The following ALG12 variants were observed in gnomAD, a reference collection of about 807,000 sequenced individuals.
The protein encoded by ALG12 is ALG12 alpha-1,6-mannosyltransferase.
In ALG12, 36 loss-of-function variants were observed where a neutral mutation model predicts 46.0. That is an observed-to-expected ratio of 0.78 (90% CI 0.60 to 1.03). The LOEUF is 1.03. ALG12 is among the 50% of genes least tolerant of loss of function. ALG12 has a pLI of 0.00. For synonymous variants in ALG12, 326 were observed against 291.6 expected, an observed-to-expected ratio of 1.12 and a Z score of -1.20; for missense variants, 599 against 633.5, an observed-to-expected ratio of 0.95 and a Z score of 0.58.
chr22:49,910,666 C>G, intron 3 of ALG12, 59 bp from the exon 4 acceptor site: 1 of 1,595,544 alleles, frequency 6.3e-7, no homozygotes, highest in Non-Finnish European at 8.6e-7. Flanking sequence ...AGTGGGGCCC[C>G]CTACGTGGGT....
the ALG12 span, among the ~76,000 whole-genome samples, chr22:49,875,198 T>G: frequency 6.6e-6 from 1 of 152,136 alleles, no homozygotes. Context: ...GGGAGGTGTT[T>G]CTTCCTTTAT....
the ALG12 span, among the ~76,000 whole-genome samples, chr22:49,871,722 G>A: frequency 6.6e-6 from 1 of 151,020 alleles, no homozygotes; most frequent in Non-Finnish European, 1.5e-5. Flanking sequence ...GATTGCTGAA[G>A]GGTGGGGTGG....
In ALG12 at chr22:49,910,046, CG is replaced by C; in HGVS notation, c.511del (p.Arg171AlafsTer36). 6.2e-7 allele frequency: 1 copy of C among 1,612,730 alleles called. No individual in the cohort carries two copies. Among genetic ancestry groups the C allele is most frequent in the Non-Finnish European group, 8.5e-7 (1 of 1,179,688 alleles). ...LAAWLRHEWA[R>X]FIWLSAFAII... Reference sequence around the variant, plus strand: ...GGCGAAGGCTGACAGCCAGATGAAGCGGGCCCACTCGTGCCGCAGCCAGGCC... The same window carrying C: ...GGCGAAGGCTGACAGCCAGATGAAGCGGCCCACTCGTGCCGCAGCCAGGCC... On this transcript the variant is annotated frameshift_variant, in exon 5 of 10. Transcript: ENST00000330817. LOFTEE classifies it high-confidence loss of function.
chr22:49,877,585 G>A, the ALG12 span, among the ~76,000 whole-genome samples: 6 of 151,952 alleles, frequency 3.9e-5, no homozygotes, highest in Admixed American at 6.6e-5. Context: ...GAGCCACCAC[G>A]CCTGGCCTAA....
At position 49,902,645 on chromosome 22, in the gene ALG12, G is replaced by A. The variant is rs1489141402; in HGVS notation, c.*1193C>T. ...TGTATGCATGGTAATGTGCACGTGT[G>A]CACTGTGTGGTGTGTATGCATGGTG... On this transcript the variant is annotated 3_prime_UTR_variant, in exon 10 of 10. Transcript: ENST00000330817. 4 of 154,400 alleles carry A rather than the reference G, an allele frequency of 2.6e-5. No individual in the cohort carries two copies. The highest frequency in any genetic ancestry group is 4.1e-4 in the East Asian group (2 of 4,930). The allele number at this position is 154,400 out of a possible 1,614,324, so 9.6% of individuals were successfully genotyped here. A position where few individuals can be genotyped will look rare whatever the true frequency, so the allele number is the denominator to read the frequency against.
In ALG12 at chr22:49,913,634, G is replaced by A. The variant is rs140846449; in HGVS notation, c.132C>T (p.Asp44=). ...EESFNLQATH[D]LLYHWQDLEQ... is the part of the protein sequence containing the mutation. ...CCAGGTCTTGCCAGTGGTAGAGCAG[G>A]TCATGTGTGGCCTGCAGGTTGAAGC... Residue 44 remains aspartate (D), a synonymous_variant, in exon 2 of 10, where the codon GAC becomes GAT. Coordinates refer to ENST00000330817, the MANE Select transcript of ALG12 (RefSeq NM_024105.4). 30 of 1,614,154 alleles carry A rather than the reference G, an allele frequency of 1.9e-5. No homozygotes were observed. The African/African-American group carries it at 2.5e-4, about 14-fold the overall frequency.
chr22:49,909,136 C>G lies in ALG12; in HGVS notation c.768+108G>C. 3.3e-6 allele frequency: 4 copies of G among 1,207,262 alleles called. No individual in the cohort carries two copies. The South Asian group carries it at 4.9e-5, about 15-fold the overall frequency. 74.8% of individuals were successfully genotyped at this position (1,207,262 alleles called of 1,614,324 possible). A position where few individuals can be genotyped will look rare whatever the true frequency, so the allele number is the denominator to read the frequency against. On this transcript the variant is annotated intron_variant, in intron 6 of 9. Transcript: ENST00000330817. ...GAGGGGCTCCATCCTGACCCTGCAG[C>G]CACGCTGCAGAGAAGGGAGAAGCAG...
At chr22:49,864,820 C>CAAAAAA in the ALG12 span, among the ~76,000 whole-genome samples, 67 of 66,902 alleles carry the variant, frequency 1.0e-3, 1 homozygote, top group African/African-American at 2.9e-3. Flanking sequence ...ACCCTGTCTC[C>CAAAAAA]AAAAAAAAAA....
intron 7 of ALG12, among the ~76,000 whole-genome samples, chr22:49,904,794 C>T (rs1405288259): frequency 6.6e-6 from 1 of 152,140 alleles, no homozygotes; most frequent in Non-Finnish European, 1.5e-5. Flanking sequence ...GGCTGGAGTG[C>T]AGTGCCATGA....
At chr22:49,886,806 G>C in the ALG12 span, 1 of 1,613,384 alleles carries the variant, frequency 6.2e-7, no homozygotes. The surrounding 1 kb of genome is among the most constrained non-coding windows in gnomAD (Gnocchi z 7.7). Flanking sequence ...CCTCCCACAG[G>C]TGTGATGCTG....
At chr22:49,895,754 T>C (rs1002110885), downstream of ALG12, among the ~76,000 whole-genome samples, 2 of 152,360 alleles carry the variant, frequency 1.3e-5, no homozygotes, top group East Asian at 1.9e-4. Flanking sequence ...ATTTAGTTTA[T>C]TGAGGTTACT....
At chr22:49,913,572 G>T (rs749862970) in intron 2 of ALG12, 32 bp downstream of exon 2, 10 of 1,613,796 alleles carry the variant, frequency 6.2e-6, no homozygotes, top group Non-Finnish European at 8.5e-6. Context: ...GGTAACATGA[G>T]GTTTTCCCCA....
the ALG12 span, among the ~76,000 whole-genome samples, chr22:49,865,972 G>A: frequency 4.0e-5 from 6 of 150,928 alleles, no homozygotes; most frequent in Admixed American, 2.0e-4. Flanking sequence ...TCCACCTCCC[G>A]ATGCTGATTA....
chr22:49,881,660 T>C, the ALG12 span, among the ~76,000 whole-genome samples: 1 of 152,174 alleles, frequency 6.6e-6, no homozygotes, highest in African/African-American at 2.4e-5. Context: ...AGCTTGGGAC[T>C]ACAGGCTCAC....
chr22:49,883,765 G>A, the ALG12 span: 1 of 1,613,246 alleles, frequency 6.2e-7, no homozygotes, highest in Non-Finnish European at 8.5e-7. Context: ...AATTCCTCCT[G>A]ATAGTTTGGA....
At chr22:49,909,215 C>T (rs759131070) in intron 6 of ALG12, 29 bp downstream of exon 6, 23 of 1,602,718 alleles carry the variant, frequency 1.4e-5, no homozygotes, top group East Asian at 2.2e-5. Context: ...TCCCACCCAT[C>T]GCCCTCCTGC....
the ALG12 span, among the ~76,000 whole-genome samples, chr22:49,872,421 A>G: frequency 2.0e-5 from 3 of 152,262 alleles, no homozygotes; most frequent in African/African-American, 7.2e-5. Context: ...CACTTCCTCC[A>G]TTGAAGTCTG....
At chr22:49,914,860 C>T (rs925697877) in intron 1 of ALG12, among the ~76,000 whole-genome samples, 5 of 152,288 alleles carry the variant, frequency 3.3e-5, no homozygotes, top group Admixed American at 6.5e-5. Context: ...CCTGAGTAGC[C>T]GCAGCTACAG....
chr22:49,904,037 C>T lies in ALG12; in HGVS notation c.1268G>A (p.Gly423Glu), dbSNP rs928069548. The T allele has an allele frequency of 6.2e-7, 1 of 1,614,178 alleles. No homozygotes were observed. Among genetic ancestry groups the T allele is most frequent in the Non-Finnish European group, 8.5e-7 (1 of 1,180,004 alleles). The change falls in exon 10 of 10, where the codon GGG becomes GAG. Residue 423 changes from glycine (G) to glutamate (E), a missense_variant. Gly to Glu is a moderately conservative substitution (Grantham distance 98, BLOSUM62 -2). Transcript: ENST00000330817. Reference protein sequence around the residue: ...RYDKREDVQPGTGMLAYTHIL... With the variant: ...RYDKREDVQPETGMLAYTHIL... ...GTGTGTGTATGCCAGCATGCCTGTC[C>T]CCGGCTGCACATCCTCCCTCTTGTC...
Sources: allele counts gnomAD v4.1 joint callset (sites outside exome capture counted in the v4.1 genomes callset), GRCh38; gene constraint gnomAD v4.1.1; non-coding constraint Gnocchi (gnomAD v3.1); transcripts MANE v1.5; gene names NCBI Gene and HGNC (gene_info 2026-07-23, HGNC 2026-07-21).